COL21A1: variants seen among roughly 807,000 people sequenced by gnomAD.
The protein encoded by COL21A1 is collagen alpha-1(XXI) chain.
In COL21A1, 149 loss-of-function variants were observed where a neutral mutation model predicts 137.9. The ratio of observed to expected loss-of-function variants is 1.08; its 90% confidence interval spans 0.95 to 1.24. COL21A1 has a LOEUF of 1.24. COL21A1 is among the 50% of genes most tolerant of loss of function. The pLI is 0.00. For missense variants in COL21A1, 1,167 were observed against 1,158.4 expected (o/e 1.01, Z -0.11); for synonymous variants, 456 against 391.5 (o/e 1.16, Z -1.95).
rs547573991 is a variant in COL21A1 at position 56,259,933 on chromosome 6, A to G, written c.-38-77277T>C. Among the ~76,000 whole-genome samples, 25 of 152,324 alleles carry G rather than the reference A, an allele frequency of 1.6e-4. No homozygotes were observed. In the East Asian group the frequency reaches 4.1e-3, roughly 25 times the overall value. ...CCTTTGCTTTCTATGCTGTAATATG[A>G]TATCCCGGAGTCATTCTGGGCATTT... On this transcript the variant is annotated intron_variant, in intron 1 of 28. Coordinates refer to the COL21A1 transcript ENST00000370819.
At chr6:56,145,990 G>A (rs1774805807) in intron 10 of COL21A1, among the ~76,000 whole-genome samples, 1 of 151,940 alleles carries the variant, frequency 6.6e-6, no homozygotes, top group African/African-American at 2.4e-5. Flanking sequence ...GCATTGAAAT[G>A]GAAATTAAGG....
chr6:56,264,619 G>A (rs768856126), intron 1 of COL21A1, among the ~76,000 whole-genome samples: 190 of 152,246 alleles, frequency 1.2e-3, no homozygotes, highest in Admixed American at 1.6e-3. Flanking sequence ...ACTAATTGCC[G>A]TGTGAGATTT....
intron 1 of COL21A1, among the ~76,000 whole-genome samples, chr6:56,241,836 A>AT (rs1371559133): frequency 1.3e-5 from 2 of 152,214 alleles, no homozygotes; most frequent in Non-Finnish European, 2.9e-5. Context: ...AATTAGAAGC[A>AT]TTTTGCCTTC....
chr6:56,130,848 A>C (rs1338392550), intron 12 of COL21A1, among the ~76,000 whole-genome samples: 2 of 152,230 alleles, frequency 1.3e-5, no homozygotes, highest in African/African-American at 4.8e-5. Flanking sequence ...CAAAATATGG[A>C]ACACAAAAAA....
chr6:56,284,811 A>G (rs571958232), intron 1 of COL21A1, among the ~76,000 whole-genome samples: 6 of 151,744 alleles, frequency 4.0e-5, no homozygotes, highest in Non-Finnish European at 8.8e-5. Flanking sequence ...CACTTCACCC[A>G]CTCCAAATAA....
At chr6:56,239,848 C>A (rs951637554) in intron 1 of COL21A1, among the ~76,000 whole-genome samples, 2 of 152,200 alleles carry the variant, frequency 1.3e-5, no homozygotes, top group South Asian at 4.1e-4. Flanking sequence ...AGGGCTCCTC[C>A]AATATGAATG....
chr6:56,178,854 T>C (rs759772446), intron 3 of COL21A1, among the ~76,000 whole-genome samples: 6 of 152,118 alleles, frequency 3.9e-5, no homozygotes, highest in Non-Finnish European at 7.4e-5. Context: ...CTTTTTAAAG[T>C]GCAATTTTAA....
chr6:56,193,333 TA>T (rs1275973973), intron 1 of COL21A1, among the ~76,000 whole-genome samples: 2 of 151,930 alleles, frequency 1.3e-5, no homozygotes, highest in Non-Finnish European at 2.9e-5. Flanking sequence ...TTAAAAAATT[TA>T]AAAAAAGAAA....
chr6:56,203,525 G>T lies in COL21A1; in HGVS notation c.-38-20869C>A, dbSNP rs546198642. On this transcript the variant is annotated intron_variant, in intron 1 of 29. Coordinates refer to ENST00000244728, the MANE Select transcript of COL21A1 (RefSeq NM_030820.4). ...GGAAAAATAGCAGATTCCAGATCTG[G>T]GGCATGTGAGACATAAGACAGATAT... Among the ~76,000 whole-genome samples the T allele has an allele frequency of 2.6e-5, 4 of 152,198 alleles. No individual in the cohort carries two copies. In the South Asian group the frequency reaches 8.3e-4, roughly 32 times the overall value.
intron 16 of COL21A1, among the ~76,000 whole-genome samples, chr6:56,121,934 A>G (rs1413936812): frequency 6.6e-6 from 1 of 152,138 alleles, no homozygotes; most frequent in African/African-American, 2.4e-5. Flanking sequence ...ACCCATGCTA[A>G]TGAGAAAATA....
Position 56,057,535 on chromosome 6 carries a change from A to G in COL21A1, c.*122T>C, listed in dbSNP as rs1015469521. 1.1e-6 allele frequency: 1 copy of G among 918,182 alleles called. No homozygotes were observed. The highest frequency in any genetic ancestry group is 2.8e-5 in the Admixed American group (1 of 36,210). 56.9% of individuals were successfully genotyped at this position (918,182 alleles called of 1,614,324 possible). ...TTTATATTTTTTTCCATAAGAAAAA[A>G]AAAATAAAAACACCGAGGTACTTAA... is the stretch of plus-strand genomic sequence containing the variant. On this transcript the variant is annotated 3_prime_UTR_variant, in exon 30 of 30. Coordinates refer to ENST00000244728, the MANE Select transcript of COL21A1 (RefSeq NM_030820.4).
intron 1 of COL21A1, among the ~76,000 whole-genome samples, chr6:56,287,409 A>C (rs1355075982): frequency 6.6e-6 from 1 of 152,068 alleles, no homozygotes; most frequent in African/African-American, 2.4e-5. Flanking sequence ...GTGTTGGAGG[A>C]GGGGCCCAAT....
chr6:56,098,658 TATATATAA>T (rs1409087132), intron 17 of COL21A1, among the ~76,000 whole-genome samples: 616 of 20,768 alleles, frequency 0.03, 190 homozygotes, highest in East Asian at 0.082. Context: ...AATATATAAA[TATATATAA>T]ATATATATAT....
chr6:56,142,832 G>T (rs576034869), intron 10 of COL21A1, among the ~76,000 whole-genome samples: 1 of 151,984 alleles, frequency 6.6e-6, no homozygotes, highest in East Asian at 1.9e-4. Flanking sequence ...TTACTGTTTG[G>T]GTACCAGTCT....
intron 1 of COL21A1, among the ~76,000 whole-genome samples, chr6:56,316,399 G>C (rs904289678): frequency 1.3e-5 from 2 of 149,760 alleles, no homozygotes; most frequent in Non-Finnish European, 3.0e-5. Context: ...AACTGCCATG[G>C]AGTCAAATTA....
chr6:56,143,143 T>A (rs927283414), intron 10 of COL21A1, among the ~76,000 whole-genome samples: 1 of 152,076 alleles, frequency 6.6e-6, no homozygotes, highest in Admixed American at 6.5e-5. Context: ...TTTTCTATTG[T>A]GTAAATTGCC....
upstream of COL21A1, among the ~76,000 whole-genome samples, chr6:56,248,772 T>A (rs762002891): frequency 2.0e-5 from 3 of 152,240 alleles, no homozygotes; most frequent in Non-Finnish European, 4.4e-5. Flanking sequence ...TTTCCTGAAT[T>A]TCCTTATTCA....
At chr6:56,290,498 G>GTT (rs371058894) in intron 1 of COL21A1, among the ~76,000 whole-genome samples, 6 of 132,996 alleles carry the variant, frequency 4.5e-5, no homozygotes, top group Non-Finnish European at 7.8e-5. Flanking sequence ...TCACTTAGGA[G>GTT]ATTTTTTTTT....
chr6:56,234,933 C>T (rs1781807698), intron 1 of COL21A1, among the ~76,000 whole-genome samples: 1 of 151,614 alleles, frequency 6.6e-6, no homozygotes, highest in African/African-American at 2.4e-5. Context: ...TTCCCCTGCT[C>T]CAGTGATTGC....
Sources: gnomAD v4.1 joint callset for allele counts (sites outside exome capture counted in the v4.1 genomes callset) on GRCh38, gnomAD v4.1.1 for gene constraint, MANE v1.5 for transcripts, NCBI Gene and HGNC (gene_info 2026-07-23, HGNC 2026-07-21) for gene names.